The following ATRX variants were observed in gnomAD, a reference collection of about 807,000 sequenced individuals.
The protein encoded by ATRX is ATRX chromatin remodeler.
In ATRX, 12 loss-of-function variants were observed where a neutral mutation model predicts 172.6. That is an observed-to-expected ratio of 0.07 (90% CI 0.04 to 0.11). The LOEUF (loss-of-function observed/expected upper bound fraction) is 0.11, where lower values mean the gene tolerates loss of function less well. Ranked by LOEUF, ATRX falls within the 10% of genes least tolerant of loss-of-function variation. The pLI is 1.00. For missense variants in ATRX, 1,368 were observed against 1,767.4 expected (o/e 0.77, Z 4.05); for synonymous variants, 674 against 594.7 (o/e 1.13, Z -1.94).
Position 77,530,869 on chromosome X carries a change from G to A in ATRX, c.6700-7468C>T, listed in dbSNP as rs782192599. 1.7e-4 allele frequency among the ~76,000 whole-genome samples: 19 copies of A among 111,085 alleles called. No individual in the cohort carries two copies. The East Asian group carries it at 2.0e-3, about 12-fold the overall frequency. On this transcript the variant is annotated intron_variant, in intron 30 of 34. Coordinates refer to ENST00000373344, the MANE Select transcript of ATRX (RefSeq NM_000489.6). ...AAAAAATTAATAAAATAGTTAGACC[G>A]CTAGCTAGGCTAATGAAGAAAAGAA...
At chrX:77,729,124 CAA>C (rs782218800) in intron 1 of ATRX, among the ~76,000 whole-genome samples, 6 of 32,145 alleles carry the variant, frequency 1.9e-4, no homozygotes, top group Non-Finnish European at 3.4e-4. Context: ...CTCACAAAAG[CAA>C]AAAAAAAAAA....
In ATRX at chrX:77,619,000, T is replaced by C. The variant is rs1278007263; in HGVS notation, c.5273-19A>G. The C allele has an allele frequency of 3.4e-5, 37 of 1,087,790 alleles. No homozygotes were observed. The Admixed American group carries it at 7.4e-4, about 22-fold the overall frequency. 89.6% of individuals were successfully genotyped at this position (1,087,790 alleles called of 1,213,427 possible). On this transcript the variant is annotated intron_variant, in intron 20 of 34. Coordinates refer to ENST00000373344, the MANE Select transcript of ATRX (RefSeq NM_000489.6). Reference sequence around the variant, plus strand: ...CAATGATCTAAGAGAGAAGACATTATTCATTAACAACATTAACAATCGTTA... The same window carrying C: ...CAATGATCTAAGAGAGAAGACATTACTCATTAACAACATTAACAATCGTTA...
chrX:77,742,419 C>G (rs782024072), intron 1 of ATRX, among the ~76,000 whole-genome samples: 7 of 111,720 alleles, frequency 6.3e-5, no homozygotes, highest in Non-Finnish European at 1.1e-4. Context: ...AAAGGAGAAG[C>G]AGGATTGGGC....
At chrX:77,643,693 C>T (rs2068772065) in intron 15 of ATRX, among the ~76,000 whole-genome samples, 1 of 111,330 alleles carries the variant, frequency 9.0e-6, no homozygotes, top group Admixed American at 9.6e-5. Flanking sequence ...GCTGGGACTA[C>T]AGGTATGAGC....
At position 77,523,232 on chromosome X, in the gene ATRX, A is replaced by C. The variant is rs1483840209; in HGVS notation, c.6849+20T>G. 2.5e-6 allele frequency: 3 copies of C among 1,209,493 alleles called. No individual in the cohort carries two copies. The highest frequency in any genetic ancestry group is 2.3e-4 in the Middle Eastern group (1 of 4,350). ...AATCACTAACATAACAAAAACAAAA[A>C]CACATTTTGCATCAACTACCTTCTT... On this transcript the variant is annotated intron_variant, in intron 31 of 34. Transcript: ENST00000373344.
At chrX:77,693,396 G>A (rs1281899320) in intron 6 of ATRX, among the ~76,000 whole-genome samples, 1 of 111,908 alleles carries the variant, frequency 8.9e-6, no homozygotes, top group African/African-American at 3.2e-5. Flanking sequence ...GTGAGGAGTG[G>A]AGTCAAGGGA....
intron 28 of ATRX, among the ~76,000 whole-genome samples, chrX:77,559,996 G>A (rs2064959475): frequency 9.0e-6 from 1 of 111,510 alleles, no homozygotes; most frequent in Non-Finnish European, 1.9e-5. Context: ...GAAAACGAAT[G>A]AGGAAAAGTG....
At position 77,684,252 on chromosome X, in the gene ATRX, C is replaced by G. The variant is rs782395663; in HGVS notation, c.1004G>C (p.Cys335Ser). Reference sequence around the variant, plus strand: ...ATAAGAGTAGGTTACAGAGCCAGAACAGGAATCATCTAATTTCTTTTCTTC... The same window carrying G: ...ATAAGAGTAGGTTACAGAGCCAGAAGAGGAATCATCTAATTTCTTTTCTTC... ...NGEEKKLDDS[C>S]SGSVTYSYSA... is the part of the protein sequence containing the mutation. Residue 335 changes from cysteine (C) to serine (S), a missense_variant, in exon 9 of 35, where the codon TGT (cysteine) becomes TCT (serine). Transcript: ENST00000373344. The G allele has an allele frequency of 8.3e-6, 10 of 1,209,870 alleles. No homozygotes were observed. The highest frequency in any genetic ancestry group is 1.8e-5 in the South Asian group (1 of 56,953).
chrX:77,593,051 C>T (rs1241060523), intron 26 of ATRX, among the ~76,000 whole-genome samples: 1 of 108,003 alleles, frequency 9.3e-6, no homozygotes, highest in Non-Finnish European at 1.9e-5. Context: ...CGGTGAAACC[C>T]TATCTCTGCT....
chrX:77,702,839 G>A (rs2072606329), intron 2 of ATRX, among the ~76,000 whole-genome samples: 1 of 110,834 alleles, frequency 9.0e-6, no homozygotes. Context: ...TGATCCTCCT[G>A]CCTCAGTATC....
chrX:77,759,775 G>A (rs2075649668), intron 1 of ATRX, among the ~76,000 whole-genome samples: 1 of 110,729 alleles, frequency 9.0e-6, no homozygotes, highest in African/African-American at 3.3e-5. Context: ...GGGCAATATA[G>A]ATCAGTGCTG....
At position 77,573,710 on chromosome X, in the gene ATRX, T is replaced by C. The variant is rs370173003; in HGVS notation, c.6326+540A>G. Among the ~76,000 whole-genome samples, 18 of 111,676 alleles carry C rather than the reference T, an allele frequency of 1.6e-4. No homozygotes were observed. The East Asian group carries it at 3.1e-3, about 19-fold the overall frequency. ...AAGGAAACTGGAACTCTCATACAAC[T>C]GCGGGTGGGAATGAAAAATTGTACA... On this transcript the variant is annotated intron_variant, in intron 28 of 34. Coordinates refer to ENST00000373344, the MANE Select transcript of ATRX (RefSeq NM_000489.6).
At chrX:77,566,669 C>G (rs924974315) in intron 28 of ATRX, among the ~76,000 whole-genome samples, 1 of 111,281 alleles carries the variant, frequency 9.0e-6, no homozygotes, top group Non-Finnish European at 1.9e-5. Flanking sequence ...GGGAGGATGG[C>G]TTAAGCCTAG....
At chrX:77,524,200 T>G (rs1557042852) in intron 30 of ATRX, among the ~76,000 whole-genome samples, 1 of 111,873 alleles carries the variant, frequency 8.9e-6, no homozygotes, top group African/African-American at 3.2e-5. Flanking sequence ...TATGTTACTT[T>G]TAATAAATTT....
At chrX:77,528,549 C>G (rs1209720097) in intron 30 of ATRX, among the ~76,000 whole-genome samples, 2 of 97,048 alleles carry the variant, frequency 2.1e-5, no homozygotes, top group Admixed American at 2.4e-4. Flanking sequence ...CCACAGGAGC[C>G]CTACAGTAGG....
At chrX:77,747,014 T>C (rs2075108193) in intron 1 of ATRX, among the ~76,000 whole-genome samples, 1 of 109,805 alleles carries the variant, frequency 9.1e-6, no homozygotes, top group Admixed American at 9.8e-5. Context: ...TTGGCCAGGA[T>C]GGTCTCGATC....
intron 1 of ATRX, among the ~76,000 whole-genome samples, chrX:77,757,899 T>C (rs1557191005): frequency 9.2e-6 from 1 of 108,840 alleles, no homozygotes; most frequent in African/African-American, 3.3e-5. Context: ...CTTGAACTCC[T>C]GACCTCGTGA....
chrX:77,769,281 GTT>G (rs368296460), intron 1 of ATRX, among the ~76,000 whole-genome samples: 1 of 99,044 alleles, frequency 1.0e-5, no homozygotes, highest in African/African-American at 3.6e-5. Context: ...TTTTTTGTTT[GTT>G]TTTTTTTTTT....
chrX:77,584,721 G>C (rs1415641990), intron 27 of ATRX, among the ~76,000 whole-genome samples: 1 of 111,045 alleles, frequency 9.0e-6, no homozygotes, highest in Non-Finnish European at 1.9e-5. Context: ...AAAACATTGG[G>C]GAAACTCTCC....
Sources: allele counts gnomAD v4.1 joint callset (sites outside exome capture counted in the v4.1 genomes callset), GRCh38; gene constraint gnomAD v4.1.1; transcripts MANE v1.5; gene names NCBI Gene and HGNC (gene_info 2026-07-23, HGNC 2026-07-21).